Variants in PCDHGA7 observed in about 807,000 individuals in gnomAD.
The protein encoded by PCDHGA7 is protocadherin gamma subfamily A, 7, also known as protocadherin gamma-A7.
PCDHGA7 carries 44 observed loss-of-function variants against 58.3 expected under a neutral mutation model. The ratio of observed to expected loss-of-function variants is 0.75; its 90% confidence interval spans 0.59 to 0.97. PCDHGA7 has a LOEUF of 0.97. Among genes scored for constraint, PCDHGA7 ranks in the 50% least tolerant of loss-of-function variants. The pLI, the probability that PCDHGA7 is intolerant of heterozygous loss-of-function variation, is 0.00. For missense variants in PCDHGA7, 1,266 were observed against 1,188.7 expected, an observed-to-expected ratio of 1.06 and a Z score of -0.96; for synonymous variants, 516 against 504.2, an observed-to-expected ratio of 1.02 and a Z score of -0.31.
intron 1 of PCDHGA7, chr5:141,468,330 C>CAAAAAAAAAAAAAAAAGAAAAAAAAAAA (rs2099163578): frequency 1.3e-5 from 1 of 79,888 alleles, no homozygotes; most frequent in African/African-American, 3.9e-5. Flanking sequence ...AACTCCATCT[C>CAAAAAAAAAAAAAAAAGAAAAAAAAAAA]AAAAAAAAAA....
rs779317191 is a variant in PCDHGA7, at chr5:141,432,553, C to G, written c.2424+47230C>G. The G allele has an allele frequency of 2.6e-5, 42 of 1,613,748 alleles. No individual in the cohort carries two copies. The highest frequency in any genetic ancestry group is 2.0e-4 in the South Asian group (18 of 91,068). The stretch of plus-strand genomic sequence containing the variant: ...AGGTGGTGGCGGTGGACAGAGACTC[C>G]GGCCAGAACGCCTGGCTGTCCTACC... On this transcript the variant is annotated intron_variant, in intron 1 of 3. Coordinates refer to ENST00000518325, the MANE Select transcript of PCDHGA7 (RefSeq NM_018920.4). The surrounding 1 kb of genome is among the most constrained non-coding windows in gnomAD (Gnocchi z 6.0).
At position 141,491,121 on chromosome 5, in the gene PCDHGA7, G is replaced by T. The variant is rs1176877834; in HGVS notation, c.2425-3686G>T. On this transcript the variant is annotated intron_variant, in intron 1 of 3. Transcript: ENST00000518325. The surrounding 1 kb of genome is among the most constrained non-coding windows in gnomAD (Gnocchi z 6.9). ...TCCTCGTGTCTACACACACTGGTGA[G>T]GTGCGCACAGCCCGGGCCTTACTGG... 5 of 1,614,200 alleles carry T rather than the reference G, an allele frequency of 3.1e-6. No individual in the cohort carries two copies. In the South Asian group the frequency reaches 5.5e-5, roughly 18 times the overall value.
At position 141,384,817 on chromosome 5, in the gene PCDHGA7, C is replaced by A. The variant is rs373370095; in HGVS notation, c.1918C>A (p.Gln640Lys). 2.5e-6 allele frequency: 4 copies of A among 1,613,416 alleles called. No homozygotes were observed. The South Asian group carries it at 4.4e-5, about 18-fold the overall frequency. The change falls in exon 1 of 4, where the codon CAG becomes AAG. Residue 640 changes from glutamine (Q) to lysine (K), a missense_variant. Physicochemically the swap from Gln to Lys is moderately conservative, Grantham distance 53. Coordinates refer to ENST00000518325, the MANE Select transcript of PCDHGA7 (RefSeq NM_018920.4). ...CCTGCTGGACAGAGATGCCCTCAAG[C>A]AGAGCCTCGTGGTGGCCGTCCAGGA... ...RALLDRDALK[Q>K]SLVVAVQDHG...
intron 1 of PCDHGA7, chr5:141,433,110 G>T (rs1031253372): frequency 1.2e-6 from 2 of 1,614,098 alleles, no homozygotes; most frequent in East Asian, 4.5e-5. Context: ...AGCCAGGAGA[G>T]CTTTGAAAAA....
chr5:141,403,986 C>A (rs367739607), intron 1 of PCDHGA7: 12 of 1,613,586 alleles, frequency 7.4e-6, no homozygotes, highest in Admixed American at 1.7e-5. Flanking sequence ...GACAATAGAC[C>A]TGAAGTGACC....
intron 1 of PCDHGA7, chr5:141,421,232 C>T (rs748347420): frequency 2.5e-6 from 4 of 1,590,252 alleles, no homozygotes; most frequent in African/African-American, 2.7e-5. Flanking sequence ...CCTGCCATGG[C>T]GAATCGGCTA....
rs754547223 is a variant in PCDHGA7 at position 141,511,148 on chromosome 5, AGTC to A, written c.2776_2778del (p.Ser926del). The A allele has an allele frequency of 7.4e-6, 12 of 1,614,202 alleles. No individual in the cohort carries two copies. The highest frequency in any genetic ancestry group is 1.0e-5 in the Non-Finnish European group (12 of 1,180,016). ...GCAGGTGGCAATGGCAACAAGAAGA[AGTC>A]GGGCAAGAAGGAGAAGAAGTAACAT... On this transcript the variant is annotated inframe_deletion, in exon 4 of 4. Coordinates refer to ENST00000518325, the MANE Select transcript of PCDHGA7 (RefSeq NM_018920.4).
At chr5:141,481,531 G>A (rs1342825952) in intron 1 of PCDHGA7, among the ~76,000 whole-genome samples, 2 of 152,206 alleles carry the variant, frequency 1.3e-5, no homozygotes, top group African/African-American at 4.8e-5. Context: ...AAAATCTAGA[G>A]ATGGGGCTGG....
chr5:141,409,490 C>G (rs780688280), intron 1 of PCDHGA7: 12 of 1,613,892 alleles, frequency 7.4e-6, no homozygotes, highest in Non-Finnish European at 1.0e-5. Context: ...CAGGGGCAAG[C>G]CGCCTCTTTC....
chr5:141,416,224 T>G (rs2096006627), intron 1 of PCDHGA7: 1 of 152,382 alleles, frequency 6.6e-6, no homozygotes, highest in Admixed American at 6.5e-5. Context: ...TATGCTTAGA[T>G]TTTTCCAGCC....
intron 1 of PCDHGA7, among the ~76,000 whole-genome samples, chr5:141,484,306 C>T (rs1009067603): frequency 6.6e-6 from 1 of 152,184 alleles, no homozygotes; most frequent in African/African-American, 2.4e-5. Context: ...GCTTCCTCCA[C>T]CCCGCTTCCA....
intron 1 of PCDHGA7, among the ~76,000 whole-genome samples, chr5:141,469,103 C>G (rs949254605): frequency 6.6e-6 from 1 of 151,844 alleles, no homozygotes; most frequent in Non-Finnish European, 1.5e-5. Flanking sequence ...AAAGCAAGAA[C>G]CTGTCTCTAA....
intron 1 of PCDHGA7, chr5:141,421,492 G>C: frequency 1.7e-5 from 28 of 1,614,106 alleles, no homozygotes; most frequent in Non-Finnish European, 2.3e-5. Flanking sequence ...GATCACGGCA[G>C]GCAGGATAGA....
chr5:141,418,126 A>G (rs2096226975), intron 1 of PCDHGA7: 3 of 1,613,994 alleles, frequency 1.9e-6, no homozygotes, highest in Non-Finnish European at 2.5e-6. Context: ...TGAAGGACCG[A>G]ATAGACCGTG....
At chr5:141,394,198 T>C in intron 1 of PCDHGA7, 1 of 1,613,874 alleles carries the variant, frequency 6.2e-7, no homozygotes, top group East Asian at 2.2e-5. Context: ...GCGTATATCC[T>C]AGAGAACAAC....
intron 1 of PCDHGA7, among the ~76,000 whole-genome samples, chr5:141,429,377 G>GT (rs566693637): frequency 0.17 from 24,737 of 149,382 alleles, 2,566 homozygotes; most frequent in African/African-American, 0.31. Context: ...GAGAAAATGT[G>GT]TTTTTTTTTT....
At chr5:141,396,406 G>A (rs1245754617) in intron 1 of PCDHGA7, 2 of 152,190 alleles carry the variant, frequency 1.3e-5, no homozygotes, top group African/African-American at 4.8e-5. Context: ...ATCACCTGAG[G>A]TCAGGAGTTC....
intron 1 of PCDHGA7, among the ~76,000 whole-genome samples, chr5:141,469,684 T>C (rs1471928749): frequency 6.6e-6 from 1 of 152,256 alleles, no homozygotes; most frequent in Non-Finnish European, 1.5e-5. Flanking sequence ...ACATATGCAT[T>C]GGTCCTATGA....
At chr5:141,403,789 C>G (rs1230029917) in intron 1 of PCDHGA7, 1 of 1,613,864 alleles carries the variant, frequency 6.2e-7, no homozygotes. Context: ...AAGTGGCATA[C>G]AAATTCTGGA....
Sources: gnomAD v4.1 joint callset for allele counts (sites outside exome capture counted in the v4.1 genomes callset) on GRCh38, gnomAD v4.1.1 for gene constraint, Gnocchi (gnomAD v3.1) non-coding constraint, MANE v1.5 for transcripts, NCBI Gene and HGNC (gene_info 2026-07-23, HGNC 2026-07-21) for gene names.